The following SGK3 variants were observed in gnomAD, a reference collection of about 807,000 sequenced individuals.
SGK3 encodes the protein serum/glucocorticoid regulated kinase family member 3, also known as serine/threonine-protein kinase Sgk3.
In SGK3, 47 loss-of-function variants were observed where a neutral mutation model predicts 68.5. That is an observed-to-expected ratio of 0.69 (90% CI 0.54 to 0.87). SGK3 has a LOEUF of 0.87. Among genes scored for constraint, SGK3 ranks in the 40% least tolerant of loss-of-function variants. The pLI is 0.00. For synonymous variants in SGK3, 181 were observed against 189.1 expected (o/e 0.96, Z 0.35); for missense variants, 479 against 575.5 (o/e 0.83, Z 1.72).
Position 66,804,405 on chromosome 8 carries a change from A to C in SGK3, c.211A>C (p.Lys71Gln). 1 of 1,612,478 alleles carries C rather than the reference A, an allele frequency of 6.2e-7. No homozygotes were observed. The highest frequency in any genetic ancestry group is 8.5e-7 in the Non-Finnish European group (1 of 1,179,500). The change falls in exon 4 of 17, where the codon AAG becomes CAG. Residue 71 changes from lysine to glutamine, a missense_variant. Physicochemically the swap from Lys to Gln is moderately conservative, Grantham distance 53. Coordinates refer to ENST00000521198, the MANE Select transcript of SGK3 (RefSeq NM_001033578.3). ...AAAACAGTTTCCTGCTATGGCCCTG[A>C]AGATTCCTGCCAAGAGAATATTTGG... ...LKKQFPAMAL[K>Q]IPAKRIFGDN...
chr8:66,750,749 A>G (rs1805788565), intron 1 of SGK3, among the ~76,000 whole-genome samples: 1 of 151,790 alleles, frequency 6.6e-6, no homozygotes, highest in African/African-American at 2.4e-5. Context: ...TCACACCTGT[A>G]ATCCCAGCAC....
Position 66,839,551 on chromosome 8 carries a change from ATATATATT to A in SGK3, c.742-450_742-443del, listed in dbSNP as rs1156974980. Among the ~76,000 whole-genome samples the A allele has an allele frequency of 2.6e-4, 20 of 77,588 alleles. 1 individual carries two copies. The highest frequency in any genetic ancestry group is 1.5e-3 in the South Asian group (4 of 2,626). 50.9% of individuals were successfully genotyped at this position (77,588 alleles called of 152,430 possible). On this transcript the variant is annotated intron_variant, in intron 10 of 16. Transcript: ENST00000521198. ...TATATATATATATATATATATATATATATATATTTTCATATGGGTTATATTTGTTCTGC... is the reference window on the plus strand; with the variant it reads ...TATATATATATATATATATATATATATTCATATGGGTTATATTTGTTCTGC...
chr8:66,788,230 T>C (rs1283555782), intron 1 of SGK3, among the ~76,000 whole-genome samples: 1 of 152,246 alleles, frequency 6.6e-6, no homozygotes, highest in Non-Finnish European at 1.5e-5. Context: ...TTAAGCCCAG[T>C]CTTGCTTTTA....
intron 12 of SGK3, 136 bp downstream of exon 12, chr8:66,840,383 G>A (rs1809751956): frequency 7.7e-6 from 7 of 909,922 alleles, no homozygotes; most frequent in South Asian, 1.9e-5. Flanking sequence ...AAAACGGTAG[G>A]GATGGAGAAC....
intron 5 of SGK3, among the ~76,000 whole-genome samples, chr8:66,816,216 A>G (rs1265045565): frequency 6.7e-6 from 1 of 150,162 alleles, no homozygotes; most frequent in African/African-American, 2.5e-5. Context: ...GTTAGCCAGG[A>G]TGGTCTTCAT....
intron 4 of SGK3, among the ~76,000 whole-genome samples, chr8:66,804,895 G>T (rs1808088067): frequency 6.6e-6 from 1 of 151,870 alleles, no homozygotes; most frequent in African/African-American, 2.4e-5. Context: ...TTTGAGACCA[G>T]CCTGGGCAAC....
In SGK3 at chr8:66,713,024, TC is replaced by T. The variant is rs1479168684; in HGVS notation, c.-122+193del. On this transcript the variant is annotated intron_variant, in intron 1 of 16. Coordinates refer to ENST00000521198, the MANE Select transcript of SGK3 (RefSeq NM_001033578.3). ...TTTGTTTCCACGAGGTGAATTCAGATCCTGCCTCGAGATTCCTAAACGCCCA... is the reference window on the plus strand; with the variant it reads ...TTTGTTTCCACGAGGTGAATTCAGATCTGCCTCGAGATTCCTAAACGCCCA... Among the ~76,000 whole-genome samples, 3 of 152,294 alleles carry T rather than the reference TC, an allele frequency of 2.0e-5. No individual in the cohort carries two copies. The East Asian group carries it at 5.8e-4, about 29-fold the overall frequency.
chr8:66,828,537 T>C, intron 6 of SGK3, 117 bp from the exon 7 acceptor site: 1 of 1,459,052 alleles, frequency 6.9e-7, no homozygotes, highest in Admixed American at 1.8e-5. Context: ...TTTGGGTTTC[T>C]TTAACATGGC....
intron 1 of SGK3, among the ~76,000 whole-genome samples, chr8:66,790,504 C>T (rs1280189563): frequency 6.6e-6 from 1 of 152,160 alleles, no homozygotes; most frequent in East Asian, 1.9e-4. Flanking sequence ...CCTTTCCAGC[C>T]AGTGCCGTAT....
intron 1 of SGK3, among the ~76,000 whole-genome samples, chr8:66,752,804 G>C (rs1805857983): frequency 6.6e-6 from 1 of 152,114 alleles, no homozygotes; most frequent in Non-Finnish European, 1.5e-5. Context: ...GGGGAGAAGG[G>C]AGAGTAAAGG....
At chr8:66,794,107 G>A (rs1807577002) in intron 2 of SGK3, among the ~76,000 whole-genome samples, 1 of 152,118 alleles carries the variant, frequency 6.6e-6, no homozygotes, top group African/African-American at 2.4e-5. Flanking sequence ...GCATACACAT[G>A]GATCTATGCA....
intron 5 of SGK3, among the ~76,000 whole-genome samples, chr8:66,820,679 CT>C (rs1808774078): frequency 6.6e-6 from 1 of 152,038 alleles, no homozygotes; most frequent in Non-Finnish European, 1.5e-5. Flanking sequence ...CAGTCCAATT[CT>C]TTTTATTTTT....
intron 1 of SGK3, among the ~76,000 whole-genome samples, chr8:66,761,214 T>A (rs1183235633): frequency 2.0e-5 from 3 of 152,108 alleles, no homozygotes; most frequent in African/African-American, 7.2e-5. Flanking sequence ...CAAGCAATCC[T>A]CCTGCTTCAG....
chr8:66,845,600 A>G (rs963149929), intron 14 of SGK3, among the ~76,000 whole-genome samples: 34 of 152,182 alleles, frequency 2.2e-4, no homozygotes, highest in Admixed American at 2.0e-3. Context: ...ATCACGACTC[A>G]CTGCAACCTT....
At chr8:66,835,118 A>G (rs1011487280) in intron 8 of SGK3, among the ~76,000 whole-genome samples, 15 of 151,938 alleles carry the variant, frequency 9.9e-5, no homozygotes, top group Non-Finnish European at 1.8e-4. Context: ...AAAAATTCAA[A>G]AATTAGCCAG....
At position 66,822,360 on chromosome 8, in the gene SGK3, T is replaced by G; in HGVS notation, c.330-12T>G. Reference sequence around the variant, plus strand: ...CTTTTGAAGTTATAATAAAGTTAATTTTTGTTTTTAGTCCAGATGTCAGAG... The same window carrying G: ...CTTTTGAAGTTATAATAAAGTTAATGTTTGTTTTTAGTCCAGATGTCAGAG... On this transcript the variant is annotated splice_polypyrimidine_tract_variant and intron_variant, in intron 5 of 16. Transcript: ENST00000521198. 6.3e-7 allele frequency: 1 copy of G among 1,596,562 alleles called. No homozygotes were observed. The highest frequency in any genetic ancestry group is 8.5e-7 in the Non-Finnish European group (1 of 1,173,238).
intron 1 of SGK3, among the ~76,000 whole-genome samples, chr8:66,774,048 A>G (rs1806603468): frequency 6.6e-6 from 1 of 152,170 alleles, no homozygotes; most frequent in Non-Finnish European, 1.5e-5. Context: ...TGACTAGACA[A>G]TACTTCCCTG....
Position 66,822,381 on chromosome 8 carries a change from C to T in SGK3, c.339C>T (p.Val113=). The T allele has an allele frequency of 1.2e-6, 2 of 1,608,414 alleles. No individual in the cohort carries two copies. Among genetic ancestry groups the T allele is most frequent in the South Asian group, 2.2e-5 (2 of 89,688 alleles). ...TAATTTTTGTTTTTAGTCCAGATGT[C>T]AGAGCATTCCTTCAAATGGACAGTC... The part of the protein sequence containing the change: ...RYPELYNHPD[V]RAFLQMDSPK... The change falls in exon 6 of 17, where the codon GTC becomes GTT. Residue 113 remains valine (V), a synonymous_variant. Transcript: ENST00000521198.
intron 1 of SGK3, among the ~76,000 whole-genome samples, chr8:66,746,972 G>A (rs1805672009): frequency 6.6e-6 from 1 of 151,654 alleles, no homozygotes; most frequent in Non-Finnish European, 1.5e-5. Flanking sequence ...AATCCTGATG[G>A]AAGTATTCAC....
Sources: gnomAD v4.1 joint callset for allele counts (sites outside exome capture counted in the v4.1 genomes callset) on GRCh38, gnomAD v4.1.1 for gene constraint, MANE v1.5 for transcripts, NCBI Gene and HGNC (gene_info 2026-07-23, HGNC 2026-07-21) for gene names.